Variants in OCIAD2 observed in about 807,000 individuals in gnomAD.
OCIAD2 encodes OCIA domain containing 2.
A neutral mutation model predicts 22.9 loss-of-function variants in OCIAD2; 29 were observed. That is an observed-to-expected ratio of 1.27 (90% CI 0.94 to 1.73). The LOEUF is 1.73. OCIAD2 is among the 40% of genes most tolerant of loss of function. The probability of loss-of-function intolerance (pLI) is 0.00; values close to 1 mark genes in which losing one functional copy is unlikely to be tolerated. For synonymous variants in OCIAD2, 67 were observed against 60.2 expected (o/e 1.11, Z -0.52); for missense variants, 189 against 180.3 (o/e 1.05, Z -0.28).
chr4:48,891,380 A>T (rs1781174719), intron 6 of OCIAD2, among the ~76,000 whole-genome samples: 1 of 152,176 alleles, frequency 6.6e-6, no homozygotes, highest in South Asian at 2.1e-4. Flanking sequence ...ATGGCCCTTC[A>T]CATAGGGCAT....
At position 48,890,601 on chromosome 4, in the gene OCIAD2, G is replaced by A. The variant is rs181709642; in HGVS notation, c.383+2171C>T. On this transcript the variant is annotated intron_variant, in intron 6 of 6. Transcript: ENST00000508632. ...GCCTAACTTGTCCCAGTTTCCTTAG[G>A]ATACCAAGGAAAATGCACAGGTTCG... Among the ~76,000 whole-genome samples the A allele has an allele frequency of 8.7e-4, 132 of 152,156 alleles. 1 individual carries two copies. The highest frequency in any genetic ancestry group is 1.6e-3 in the Non-Finnish European group (108 of 68,004).
At chr4:48,900,198 T>C (rs1329285191) in intron 2 of OCIAD2, among the ~76,000 whole-genome samples, 1 of 144,640 alleles carries the variant, frequency 6.9e-6, no homozygotes, top group Non-Finnish European at 1.6e-5. Flanking sequence ...GCGATCAGGC[T>C]GAATCCCTGC....
intron 6 of OCIAD2, among the ~76,000 whole-genome samples, chr4:48,890,903 A>T (rs999896529): frequency 3.9e-5 from 6 of 152,150 alleles, no homozygotes; most frequent in African/African-American, 1.4e-4. Flanking sequence ...CCTTTCTCTC[A>T]CTTATTTCCC....
At chr4:48,902,451 A>G (rs1442909970) in intron 2 of OCIAD2, among the ~76,000 whole-genome samples, 1 of 152,184 alleles carries the variant, frequency 6.6e-6, no homozygotes, top group Non-Finnish European at 1.5e-5. Context: ...CTTTCCCTGC[A>G]ACTCCCCAAG....
At position 48,892,802 on chromosome 4, in the gene OCIAD2, C is replaced by A. The variant is rs764161793; in HGVS notation, c.353G>T (p.Arg118Leu). 18 of 1,608,066 alleles carry A rather than the reference C, an allele frequency of 1.1e-5. No homozygotes were observed. The highest frequency in any genetic ancestry group is 2.7e-5 in the African/African-American group (2 of 74,732). ...SKFHFFEDQL[R>L]GAGFGPQHNR... ...ATGCTGTGGACCAAAACCAGCCCCA[C>A]GGAGCTGATCTTCAAAAAAATGGAA... The change falls in exon 6 of 7, where the codon CGT becomes CTT. Residue 118 changes from arginine (R) to leucine (L), a missense_variant. By Grantham distance (102) the Arg-to-Leu change is moderately radical. Coordinates refer to ENST00000508632, the MANE Select transcript of OCIAD2 (RefSeq NM_001014446.3).
chr4:48,900,521 G>A (rs554573632), intron 2 of OCIAD2, among the ~76,000 whole-genome samples: 98 of 151,780 alleles, frequency 6.5e-4, no homozygotes, highest in Non-Finnish European at 1.2e-3. Context: ...AATTTCTGGT[G>A]CAACTATTGA....
In OCIAD2 at chr4:48,904,629, G is replaced by T; in HGVS notation, c.-62-18C>A. Reference sequence around the variant, plus strand: ...CCCAGTGTCTAAGGAAGGTAGAAGAGAATCACTATGCCATGACTAAATGTT... The same window carrying T: ...CCCAGTGTCTAAGGAAGGTAGAAGATAATCACTATGCCATGACTAAATGTT... On this transcript the variant is annotated intron_variant, in intron 1 of 6. Transcript: ENST00000508632. The T allele has an allele frequency of 6.5e-6, 8 of 1,221,818 alleles. No homozygotes were observed. In the South Asian group the frequency reaches 8.4e-5, roughly 13 times the overall value. The allele number at this position is 1,221,818 out of a possible 1,614,324, so 75.7% of individuals were successfully genotyped here.
intron 1 of OCIAD2, among the ~76,000 whole-genome samples, chr4:48,904,912 C>G (rs1373908516): frequency 6.6e-6 from 1 of 152,140 alleles, no homozygotes; most frequent in Non-Finnish European, 1.5e-5. Context: ...AAGGAATTCA[C>G]AGTCCAAAAG....
At chr4:48,901,827 C>T (rs1290250961) in intron 2 of OCIAD2, among the ~76,000 whole-genome samples, 4 of 152,152 alleles carry the variant, frequency 2.6e-5, no homozygotes, top group Non-Finnish European at 4.4e-5. Context: ...ACTGCAGCCT[C>T]GAACTCCTGG....
chr4:48,885,875 T>G (rs1046114038), intron 6 of OCIAD2, among the ~76,000 whole-genome samples: 3 of 152,188 alleles, frequency 2.0e-5, no homozygotes, highest in Admixed American at 2.0e-4. Context: ...TTCTGTAGGT[T>G]GCCTGTTCAC....
chr4:48,888,064 A>T (rs1781043323), intron 6 of OCIAD2, among the ~76,000 whole-genome samples: 1 of 152,100 alleles, frequency 6.6e-6, no homozygotes, highest in African/African-American at 2.4e-5. Flanking sequence ...ATCCCTTGTA[A>T]GTTGGATTCC....
Position 48,904,600 on chromosome 4 carries a change from T to C in OCIAD2, c.-51A>G. 6.6e-7 allele frequency: 1 copy of C among 1,519,682 alleles called. No individual in the cohort carries two copies. The highest frequency in any genetic ancestry group is 9.1e-7 in the Non-Finnish European group (1 of 1,094,588). The allele number at this position is 1,519,682 out of a possible 1,614,324, so 94.1% of individuals were successfully genotyped here. On this transcript the variant is annotated 5_prime_UTR_variant, in exon 2 of 7. Coordinates refer to ENST00000508632, the MANE Select transcript of OCIAD2 (RefSeq NM_001014446.3). ...CAGTTGTTTATCCTCTGCTTACTCC[T>C]TGACCCAGTGTCTAAGGAAGGTAGA...
chr4:48,901,954 G>T (rs1484507157), intron 2 of OCIAD2, among the ~76,000 whole-genome samples: 1 of 151,942 alleles, frequency 6.6e-6, no homozygotes, highest in Non-Finnish European at 1.5e-5. Context: ...GGCGTGGGGG[G>T]GGCGTTCTCA....
intron 6 of OCIAD2, among the ~76,000 whole-genome samples, chr4:48,892,104 G>A (rs1781192103): frequency 6.6e-6 from 1 of 152,194 alleles, no homozygotes; most frequent in Admixed American, 6.5e-5. Flanking sequence ...GACCAGTGAG[G>A]GGTGTTTAGA....
chr4:48,893,850 A>C, intron 5 of OCIAD2, 156 bp downstream of exon 5: 1 of 364,166 alleles, frequency 2.7e-6, no homozygotes, highest in Non-Finnish European at 5.0e-6. Flanking sequence ...TTTATTTATT[A>C]CTTTTTAAAA....
At chr4:48,900,564 G>C (rs1270836296) in intron 2 of OCIAD2, among the ~76,000 whole-genome samples, 1 of 150,916 alleles carries the variant, frequency 6.6e-6, no homozygotes, top group Non-Finnish European at 1.5e-5. Flanking sequence ...TAGTTCTGTA[G>C]TATTTTTTGG....
rs559014226 is a variant in OCIAD2 at position 48,904,082 on chromosome 4, TAAG to T, written c.66+399_66+401del. Among the ~76,000 whole-genome samples, 354 of 152,130 alleles carry T rather than the reference TAAG, an allele frequency of 2.3e-3. 1 individual carries two copies. The highest frequency in any genetic ancestry group is 3.8e-3 in the Non-Finnish European group (258 of 67,988). On this transcript the variant is annotated intron_variant, in intron 2 of 6. Transcript: ENST00000508632. ...CAACAAAGTGCCAGACTGAAAAAAATAAGATGACTGGTTAAAGTTGAAATTTAA... is the reference window on the plus strand; with the variant it reads ...CAACAAAGTGCCAGACTGAAAAAAATATGACTGGTTAAAGTTGAAATTTAA...
chr4:48,893,242 T>C (rs533508814), intron 5 of OCIAD2: 1 of 160,044 alleles, frequency 6.2e-6, no homozygotes, highest in East Asian at 1.8e-4. Flanking sequence ...TGGGTAGAAA[T>C]GCCCCTAATC....
intron 6 of OCIAD2, among the ~76,000 whole-genome samples, chr4:48,889,319 T>A (rs967505991): frequency 1.3e-5 from 2 of 152,000 alleles, no homozygotes; most frequent in African/African-American, 4.8e-5. Flanking sequence ...TTTGAAGGGT[T>A]TTTTATGTCT....
Sources: gnomAD v4.1 joint callset for allele counts (sites outside exome capture counted in the v4.1 genomes callset) on GRCh38, gnomAD v4.1.1 for gene constraint, MANE v1.5 for transcripts, NCBI Gene and HGNC (gene_info 2026-07-23, HGNC 2026-07-21) for gene names.